The following MYH14 variants were observed in gnomAD, a reference collection of about 807,000 sequenced individuals.
MYH14 encodes myosin-14.
Under a neutral mutation model 255.5 loss-of-function variants are expected in MYH14, and 123 were observed. That is an observed-to-expected ratio of 0.48 (90% CI 0.42 to 0.56). MYH14 has a LOEUF of 0.56. Ranked by LOEUF, MYH14 falls within the 20% of genes least tolerant of loss-of-function variation. The pLI, the probability that MYH14 is intolerant of heterozygous loss-of-function variation, is 0.00. For missense variants in MYH14, 2,423 were observed against 2,802.3 expected (o/e 0.86, Z 3.06); for synonymous variants, 1,095 against 1,161.2 (o/e 0.94, Z 1.16).
chr19:50,209,684 T>C (rs2032043183), intron 1 of MYH14, among the ~76,000 whole-genome samples: 1 of 149,094 alleles, frequency 6.7e-6, no homozygotes, highest in South Asian at 2.1e-4. Context: ...CTCAGGAGGC[T>C]GAGGCAGGAG....
rs762479575 is a variant in MYH14, at chr19:50,244,364, G to A, written c.1210+27G>A. 1.8e-5 allele frequency: 28 copies of A among 1,599,844 alleles called. No individual in the cohort carries two copies. In the African/African-American group the frequency reaches 1.9e-4, roughly 11 times the overall value. On this transcript the variant is annotated intron_variant, in intron 11 of 42. Coordinates refer to ENST00000642316, the MANE Select transcript of MYH14 (RefSeq NM_001145809.2). ...TACTGCCCCCGGCCTGCCTGCCCAC[G>A]ACCTCCAGCCCCCGCCCAGGTGGTG...
At chr19:50,306,899 G>C (rs940717012) in intron 40 of MYH14, 150 bp from the exon 41 acceptor site, 1 of 644,046 alleles carries the variant, frequency 1.6e-6, no homozygotes, top group Non-Finnish European at 2.8e-6. Context: ...GTCAGTGTTT[G>C]GCCTCAGTAA....
intron 2 of MYH14, among the ~76,000 whole-genome samples, chr19:50,213,209 A>G (rs2123165907): frequency 6.6e-6 from 1 of 152,226 alleles, no homozygotes; most frequent in African/African-American, 2.4e-5. Flanking sequence ...TCAGCCTCTC[A>G]AAGTGCTGGG....
chr19:50,251,567 C>CATATATATATATATATATAT, intron 15 of MYH14, among the ~76,000 whole-genome samples: 1 of 118,508 alleles, frequency 8.4e-6, no homozygotes, highest in African/African-American at 3.2e-5. Flanking sequence ...CACACACACA[C>CATATATATATATATATATAT]ACATATATAT....
At chr19:50,295,942 C>CT (rs925490966) in intron 39 of MYH14, among the ~76,000 whole-genome samples, 1 of 152,040 alleles carries the variant, frequency 6.6e-6, no homozygotes, top group African/African-American at 2.4e-5. Flanking sequence ...GAAACCCCGT[C>CT]TCTACTAAAA....
intron 40 of MYH14, among the ~76,000 whole-genome samples, chr19:50,305,622 G>A (rs2036629067): frequency 6.6e-6 from 1 of 152,098 alleles, no homozygotes; most frequent in Admixed American, 6.6e-5. Flanking sequence ...CGAGGGAGTA[G>A]ATGAGTTGCT....
intron 10 of MYH14, among the ~76,000 whole-genome samples, chr19:50,239,380 C>G (rs1303781754): frequency 6.6e-6 from 1 of 152,158 alleles, no homozygotes; most frequent in East Asian, 1.9e-4. Context: ...TGAAACTCTT[C>G]CTGAGTCTTT....
intron 22 of MYH14, among the ~76,000 whole-genome samples, chr19:50,265,349 C>CA (rs768369689): frequency 0.23 from 21,960 of 96,208 alleles, 1,948 homozygotes; most frequent in African/African-American, 0.32. Flanking sequence ...CTCATCTCTA[C>CA]AAAAAAAAAA....
At chr19:50,211,311 G>A (rs1218341456) in intron 2 of MYH14, among the ~76,000 whole-genome samples, 2 of 152,232 alleles carry the variant, frequency 1.3e-5, no homozygotes, top group African/African-American at 4.8e-5. Flanking sequence ...TCCAGCCTGG[G>A]TGACAGCACA....
At chr19:50,262,527 G>A (rs1237031876) in intron 21 of MYH14, among the ~76,000 whole-genome samples, 2 of 149,234 alleles carry the variant, frequency 1.3e-5, no homozygotes, top group African/African-American at 5.0e-5. Context: ...GGCAGAGTGA[G>A]ACTCTGTATC....
chr19:50,244,417 G>A lies in MYH14; in HGVS notation c.1210+80G>A, dbSNP rs547036677. The A allele has an allele frequency of 3.8e-4, 400 of 1,046,208 alleles. 1 individual carries two copies. Among genetic ancestry groups the A allele is most frequent in the Middle Eastern group, 3.3e-3 (15 of 4,516 alleles). The allele number at this position is 1,046,208 out of a possible 1,614,324, so 64.8% of individuals were successfully genotyped here. A position where few individuals can be genotyped will look rare whatever the true frequency, so the allele number is the denominator to read the frequency against. Reference sequence around the variant, plus strand: ...CAGCCCTCCTGCACCCCTGTCCCACGTAGAGAGCATCCCCCTTCCAGCCAC... The same window carrying A: ...CAGCCCTCCTGCACCCCTGTCCCACATAGAGAGCATCCCCCTTCCAGCCAC... On this transcript the variant is annotated intron_variant, in intron 11 of 42. Transcript: ENST00000642316.
At chr19:50,227,466 G>A (rs569692145) in intron 8 of MYH14, among the ~76,000 whole-genome samples, 4 of 152,032 alleles carry the variant, frequency 2.6e-5, no homozygotes, top group Admixed American at 1.3e-4. Flanking sequence ...CCCGTCCCCC[G>A]CCCTTAGTAT....
At chr19:50,243,160 G>A (rs1411686988) in intron 10 of MYH14, among the ~76,000 whole-genome samples, 1 of 152,176 alleles carries the variant, frequency 6.6e-6, no homozygotes, top group Non-Finnish European at 1.5e-5. Flanking sequence ...ACGAGGCTGG[G>A]TGCAGTGGCT....
At chr19:50,258,971 C>A (rs960120122) in intron 18 of MYH14, among the ~76,000 whole-genome samples, 173 bp from the exon 19 acceptor site, 1 of 152,152 alleles carries the variant, frequency 6.6e-6, no homozygotes, top group African/African-American at 2.4e-5. Context: ...TTCCCCAGGG[C>A]AGGATTTCCC....
rs1300249330 is a variant in MYH14 at position 50,276,504 on chromosome 19, A to T, written c.3681-253A>T. On this transcript the variant is annotated intron_variant, in intron 28 of 42. Coordinates refer to ENST00000642316, the MANE Select transcript of MYH14 (RefSeq NM_001145809.2). The surrounding 1 kb of genome is among the most constrained non-coding windows in gnomAD (Gnocchi z 4.3). ...GTGGGTGATAAGTGAAGACCCCTAAACCAAGTCTATGGGAGATCCAGGAAG... is the reference window on the plus strand; with the variant it reads ...GTGGGTGATAAGTGAAGACCCCTAATCCAAGTCTATGGGAGATCCAGGAAG... Among the ~76,000 whole-genome samples the T allele has an allele frequency of 6.6e-6, 1 of 152,074 alleles. No homozygotes were observed. Among genetic ancestry groups the T allele is most frequent in the Non-Finnish European group, 1.5e-5 (1 of 68,022 alleles).
intron 24 of MYH14, among the ~76,000 whole-genome samples, chr19:50,269,338 C>A (rs1183713031): frequency 6.6e-6 from 1 of 152,134 alleles, no homozygotes; most frequent in Non-Finnish European, 1.5e-5. Flanking sequence ...TGCCACCATG[C>A]CCAGCTAATG....
chr19:50,214,131 G>A (rs1422324383), intron 2 of MYH14, among the ~76,000 whole-genome samples: 1 of 152,142 alleles, frequency 6.6e-6, no homozygotes, highest in Non-Finnish European at 1.5e-5. Flanking sequence ...CCCAGCTGGG[G>A]TTCACATTAA....
intron 18 of MYH14, among the ~76,000 whole-genome samples, chr19:50,258,223 C>A (rs1011813941): frequency 6.6e-6 from 1 of 152,056 alleles, no homozygotes; most frequent in South Asian, 2.1e-4. Context: ...AGCCACCACG[C>A]CCAGCCTGAG....
In MYH14 at chr19:50,230,729, G is replaced by T; in HGVS notation, c.973+106G>T. On this transcript the variant is annotated intron_variant, in intron 9 of 42. Transcript: ENST00000642316. This position sits in a 1 kb window ranked among gnomAD's most constrained non-coding sequence, Gnocchi z 4.7. The stretch of plus-strand genomic sequence containing the variant: ...GCAAGAGTGGGGGGCTCTAATATCC[G>T]TCAAACACCGACTTCGCATGAGGCT... 4.4e-6 allele frequency: 4 copies of T among 901,326 alleles called. No individual in the cohort carries two copies. The highest frequency in any genetic ancestry group is 6.8e-6 in the Non-Finnish European group (4 of 584,774). 55.8% of individuals were successfully genotyped at this position (901,326 alleles called of 1,614,324 possible).
Sources: gnomAD v4.1 joint callset for allele counts (sites outside exome capture counted in the v4.1 genomes callset) on GRCh38, gnomAD v4.1.1 for gene constraint, Gnocchi (gnomAD v3.1) non-coding constraint, MANE v1.5 for transcripts, NCBI Gene and HGNC (gene_info 2026-07-23, HGNC 2026-07-21) for gene names.